TCAIM: variants seen among roughly 807,000 people sequenced by gnomAD.
TCAIM encodes T-cell activation inhibitor, mitochondrial.
A neutral mutation model predicts 58.6 loss-of-function variants in TCAIM; 36 were observed. The observed-to-expected ratio is 0.61, with a 90% confidence interval of 0.47 to 0.81. TCAIM has a LOEUF of 0.81. Among genes scored for constraint, TCAIM ranks in the 30% least tolerant of loss-of-function variants. The pLI, the probability that TCAIM is intolerant of heterozygous loss-of-function variation, is 0.00. For missense variants in TCAIM, 466 were observed against 579.6 expected (o/e 0.80, Z 2.01); for synonymous variants, 172 against 193.6 (o/e 0.89, Z 0.93).
At position 44,371,519 on chromosome 3, in the gene TCAIM, A is replaced by G. The variant is rs540546371; in HGVS notation, c.572+3811A>G. 3.9e-5 allele frequency among the ~76,000 whole-genome samples: 6 copies of G among 152,324 alleles called. No individual in the cohort carries two copies. In the South Asian group the frequency reaches 8.3e-4, roughly 21 times the overall value. ...CACTACACTGAACCAAGACAAGACA[A>G]GGAATACTGCTCATTGGGCTGTTAG... On this transcript the variant is annotated intron_variant, in intron 5 of 10. Coordinates refer to ENST00000342649, the MANE Select transcript of TCAIM (RefSeq NM_173826.4).
chr3:44,349,711 G>A (rs996507683), intron 1 of TCAIM, among the ~76,000 whole-genome samples: 4 of 152,118 alleles, frequency 2.6e-5, no homozygotes, highest in South Asian at 4.1e-4. Flanking sequence ...GACTGGTGCC[G>A]GAGTTTTGGG....
At chr3:44,342,882 A>C (rs1190126984) in intron 1 of TCAIM, among the ~76,000 whole-genome samples, 3 of 152,214 alleles carry the variant, frequency 2.0e-5, no homozygotes, top group East Asian at 3.9e-4. Flanking sequence ...CAGGCTTGTA[A>C]TCTCAGCACT....
intron 2 of TCAIM, among the ~76,000 whole-genome samples, chr3:44,357,353 A>G (rs1186168465): frequency 3.5e-5 from 5 of 141,036 alleles, no homozygotes; most frequent in African/African-American, 1.0e-4. Context: ...CTGAAAGAAA[A>G]AAAGAGAGAA....
chr3:44,385,507 C>T (rs555913634), intron 5 of TCAIM, among the ~76,000 whole-genome samples: 4 of 151,986 alleles, frequency 2.6e-5, no homozygotes, highest in Admixed American at 1.3e-4. Context: ...TTTGGGAGGC[C>T]GAGGTGGGCA....
At chr3:44,379,423 T>C (rs1701620391) in intron 5 of TCAIM, among the ~76,000 whole-genome samples, 1 of 152,136 alleles carries the variant, frequency 6.6e-6, no homozygotes, top group Admixed American at 6.5e-5. Context: ...TGCTGACATA[T>C]CTTCATTGCA....
intron 10 of TCAIM, among the ~76,000 whole-genome samples, chr3:44,403,040 G>A (rs1367274550): frequency 6.6e-6 from 1 of 152,174 alleles, no homozygotes; most frequent in Admixed American, 6.5e-5. Context: ...AGGCCGAGGT[G>A]GGCGGATCAC....
At chr3:44,372,840 C>T (rs1350264719) in intron 5 of TCAIM, among the ~76,000 whole-genome samples, 1 of 152,138 alleles carries the variant, frequency 6.6e-6, no homozygotes, top group African/African-American at 2.4e-5. Flanking sequence ...ATGATCCACC[C>T]GTCTTGGCCT....
chr3:44,373,456 A>G (rs1057060918), intron 5 of TCAIM, among the ~76,000 whole-genome samples: 9 of 151,250 alleles, frequency 6.0e-5, no homozygotes, highest in African/African-American at 2.2e-4. Context: ...ACTTGATGTC[A>G]AGATGGTGGC....
chr3:44,364,762 AT>A (rs1701348165), intron 4 of TCAIM, among the ~76,000 whole-genome samples: 1 of 151,900 alleles, frequency 6.6e-6, no homozygotes, highest in Admixed American at 6.6e-5. Flanking sequence ...AAAAAAAAAA[AT>A]CTTTAGCCTC....
At chr3:44,339,679 T>C (rs987244727) in intron 1 of TCAIM, 9 of 152,232 alleles carry the variant, frequency 5.9e-5, no homozygotes, top group African/African-American at 2.2e-4. Context: ...TCCTCTGCCC[T>C]CTTCCAGGAA....
At chr3:44,364,075 A>G (rs1264049759) in intron 4 of TCAIM, among the ~76,000 whole-genome samples, 5 of 151,578 alleles carry the variant, frequency 3.3e-5, no homozygotes, top group Admixed American at 2.0e-4. Context: ...ACTACAGGCA[A>G]GCGCCACAAT....
chr3:44,361,340 A>T, intron 3 of TCAIM, 25 bp from the exon 4 acceptor site: 4 of 1,576,376 alleles, frequency 2.5e-6, no homozygotes, highest in Non-Finnish European at 3.4e-6. Flanking sequence ...TTTTGTATGT[A>T]AATGCCCTTA....
chr3:44,362,347 A>T (rs909081865), intron 4 of TCAIM: 1 of 400,404 alleles, frequency 2.5e-6, no homozygotes, highest in Admixed American at 4.4e-5. Context: ...AAAATGAAAG[A>T]GTTGGAGAAC....
At chr3:44,373,627 G>A (rs528243658) in intron 5 of TCAIM, among the ~76,000 whole-genome samples, 21 of 152,202 alleles carry the variant, frequency 1.4e-4, no homozygotes, top group African/African-American at 4.1e-4. Context: ...GCACTCTAGC[G>A]TGGGTGACAG....
intron 1 of TCAIM, among the ~76,000 whole-genome samples, chr3:44,354,233 T>A (rs1701148548): frequency 6.6e-6 from 1 of 152,246 alleles, no homozygotes; most frequent in Non-Finnish European, 1.5e-5. Context: ...TTTATTTGTA[T>A]GAATCTATTT....
chr3:44,401,306 G>A lies in TCAIM; in HGVS notation c.1222G>A (p.Ala408Thr). The change falls in exon 10 of 11, where the codon GCA becomes ACA. Residue 408 changes from alanine to threonine, a missense_variant. Ala to Thr is a moderately conservative substitution (Grantham distance 58). Transcript: ENST00000342649. ...GTTTATTCTCACCAAAGCTCAGCAG[G>A]CAAGAGAGAACATGAAAAGAAAGGA... ...QWFILTKAQQ[A>T]RENMKRKEEL... 6.2e-7 allele frequency: 1 copy of A among 1,613,934 alleles called. No individual in the cohort carries two copies. The highest frequency in any genetic ancestry group is 8.5e-7 in the Non-Finnish European group (1 of 1,179,946).
Position 44,400,559 on chromosome 3 carries a change from T to G in TCAIM, c.1090T>G (p.Leu364Val). Residue 364 changes from leucine to valine, a missense_variant, in exon 9 of 11, where the codon TTG becomes GTG. Physicochemically the swap from Leu to Val is conservative, Grantham distance 32. Coordinates refer to ENST00000342649, the MANE Select transcript of TCAIM (RefSeq NM_173826.4). ...TAGAATACTATTTCACCCTCGAAGT[T>G]TGCGTGGTTTACAAATGATCCTTAA... ...KSRILFHPRS[L>V]RGLQMILNSD... 6.2e-7 allele frequency: 1 copy of G among 1,613,514 alleles called. No homozygotes were observed. Among genetic ancestry groups the G allele is most frequent in the Non-Finnish European group, 8.5e-7 (1 of 1,179,796 alleles).
intron 10 of TCAIM, among the ~76,000 whole-genome samples, chr3:44,402,820 A>G (rs1702041420): frequency 6.6e-6 from 1 of 152,050 alleles, no homozygotes; most frequent in Admixed American, 6.6e-5. Context: ...GCCATTCCAC[A>G]TGTCCATGGA....
In TCAIM at chr3:44,359,035, A is replaced by G. The variant is rs965723307; in HGVS notation, c.165+1159A>G. On this transcript the variant is annotated intron_variant, in intron 3 of 10. Transcript: ENST00000342649. ...AAGTTTTTAAATTCAAAATGTATAG[A>G]AAAATCAAGCTTAGTAATACTTTAA... 11 of 982,350 alleles carry G rather than the reference A, an allele frequency of 1.1e-5. No homozygotes were observed. In the African/African-American group the frequency reaches 1.7e-4, roughly 16 times the overall value. The allele number at this position is 982,350 out of a possible 1,614,324, so 60.9% of individuals were successfully genotyped here.
Sources: allele counts gnomAD v4.1 joint callset (sites outside exome capture counted in the v4.1 genomes callset), GRCh38; gene constraint gnomAD v4.1.1; transcripts MANE v1.5; gene names NCBI Gene and HGNC (gene_info 2026-07-23, HGNC 2026-07-21).